Variants in KIF15 observed in about 807,000 individuals in gnomAD.
The protein encoded by KIF15 is kinesin-like protein KIF15.
KIF15 carries 140 observed loss-of-function variants against 190.6 expected under a neutral mutation model. The observed-to-expected ratio is 0.73, with a 90% CI of 0.64 to 0.84. KIF15 has a LOEUF of 0.84. Ranked by LOEUF, KIF15 falls within the 40% of genes least tolerant of loss-of-function variation. The probability of loss-of-function intolerance (pLI) is 0.00; values close to 1 mark genes in which losing one functional copy is unlikely to be tolerated. For missense variants in KIF15, 1,372 were observed against 1,584.4 expected, an observed-to-expected ratio of 0.87 and a Z score of 2.28; for synonymous variants, 528 against 551.3, an observed-to-expected ratio of 0.96 and a Z score of 0.59.
chr3:44,816,786 C>T (rs1376839846), intron 20 of KIF15, among the ~76,000 whole-genome samples: 3 of 152,128 alleles, frequency 2.0e-5, no homozygotes, highest in Non-Finnish European at 2.9e-5. Context: ...AATGGTATTT[C>T]TAGTTCTAGA....
At chr3:44,796,317 C>T (rs1056708103) in intron 8 of KIF15, among the ~76,000 whole-genome samples, 1 of 152,174 alleles carries the variant, frequency 6.6e-6, no homozygotes, top group Non-Finnish European at 1.5e-5. Context: ...TGTGATTGTG[C>T]CACTGTGCTC....
intron 1 of KIF15, among the ~76,000 whole-genome samples, chr3:44,771,344 A>G (rs115169093): frequency 0.011 from 1,637 of 152,316 alleles, 23 homozygotes; most frequent in African/African-American, 0.036. Context: ...TTATGGCCAG[A>G]CACTAGAATT....
rs950132232 is a variant in KIF15, at chr3:44,840,445, G to C, written c.3409G>C (p.Glu1137Gln). The change falls in exon 28 of 35, where the codon GAG becomes CAG. Residue 1137 changes from glutamate to glutamine, a missense_variant. Transcript: ENST00000326047. Reference protein sequence around the residue: ...QLEHVMDSAAEDPQSPKTPPH... With the variant: ...QLEHVMDSAAQDPQSPKTPPH... ...AGAACATGTGATGGATTCTGCTGCT[G>C]AGGATCCCCAGGTACTTTTCAGAAA... 2 of 1,596,824 alleles carry C rather than the reference G, an allele frequency of 1.3e-6. No individual in the cohort carries two copies. Among genetic ancestry groups the C allele is most frequent in the Non-Finnish European group, 1.7e-6 (2 of 1,167,572 alleles).
intron 14 of KIF15, among the ~76,000 whole-genome samples, chr3:44,804,279 C>T (rs1707397537): frequency 6.6e-6 from 1 of 152,164 alleles, no homozygotes; most frequent in Non-Finnish European, 1.5e-5. Context: ...TCATCAGTTT[C>T]TAAACATTGA....
chr3:44,800,271 C>T lies in KIF15; in HGVS notation c.1099-43C>T, dbSNP rs184405882. 3.1e-4 allele frequency: 499 copies of T among 1,592,418 alleles called. 1 individual carries two copies. In the African/African-American group the frequency reaches 6.0e-3, roughly 19 times the overall value. On this transcript the variant is annotated intron_variant, in intron 10 of 34. Transcript: ENST00000326047. ...AATGTAAACACAGGACTATACTACT[C>T]AAAAAGCATTATTTTAATGCTTTTT...
At chr3:44,827,764 C>T (rs754172512) in intron 23 of KIF15, among the ~76,000 whole-genome samples, 1 of 152,056 alleles carries the variant, frequency 6.6e-6, no homozygotes, top group African/African-American at 2.4e-5. Flanking sequence ...CTCACTGTAG[C>T]CTTGACTTCC....
chr3:44,821,328 G>A (rs552515930), intron 20 of KIF15, among the ~76,000 whole-genome samples: 100 of 152,006 alleles, frequency 6.6e-4, no homozygotes, highest in East Asian at 2.2e-3. Flanking sequence ...CTTCCTGGAC[G>A]GGGTGGCTGC....
chr3:44,863,299 C>A (rs1486282445), intron 6 of KIF15: 1 of 65,130 alleles, frequency 1.5e-5, no homozygotes. Context: ...TTAGATTCCG[C>A]ACCCCCCCCC....
chr3:44,868,213 A>C (rs1467476867), intron 6 of KIF15, among the ~76,000 whole-genome samples: 1 of 152,190 alleles, frequency 6.6e-6, no homozygotes, highest in Non-Finnish European at 1.5e-5. Context: ...ATACAACATC[A>C]ATATATGGCC....
chr3:44,868,661 G>A (rs1235503750), intron 6 of KIF15, among the ~76,000 whole-genome samples: 2 of 152,200 alleles, frequency 1.3e-5, no homozygotes, highest in East Asian at 3.8e-4. Context: ...AGAACTGTGA[G>A]AAAATAAATA....
chr3:44,777,996 C>T, intron 3 of KIF15, 119 bp from the exon 4 acceptor site: 2 of 754,910 alleles, frequency 2.6e-6, no homozygotes, highest in Admixed American at 3.9e-5. Flanking sequence ...AGCCTTTTTT[C>T]TGTAGTGGAT....
At chr3:44,827,144 AC>A (rs1437014318) in intron 22 of KIF15, 1 of 421,598 alleles carries the variant, frequency 2.4e-6, no homozygotes, top group East Asian at 6.4e-5. Context: ...GAAACAGTGA[AC>A]AAAACATCCC....
At chr3:44,808,528 G>A (rs1010425978) in intron 16 of KIF15, among the ~76,000 whole-genome samples, 2 of 149,636 alleles carry the variant, frequency 1.3e-5, no homozygotes, top group African/African-American at 2.5e-5. Flanking sequence ...TAGCATTTTT[G>A]TACTGTTAAT....
intron 26 of KIF15, among the ~76,000 whole-genome samples, chr3:44,831,261 A>G (rs184184788): frequency 1.3e-5 from 2 of 152,258 alleles, no homozygotes; most frequent in Admixed American, 1.3e-4. Flanking sequence ...TCACGCTGCC[A>G]AGCTTCCTCC....
At chr3:44,777,986 A>C (rs1705977462) in intron 3 of KIF15, 129 bp from the exon 4 acceptor site, 1 of 718,204 alleles carries the variant, frequency 1.4e-6, no homozygotes. Context: ...TAGATAGTTT[A>C]GCCTTTTTTC....
At chr3:44,817,262 A>AT (rs1478509059) in intron 20 of KIF15, among the ~76,000 whole-genome samples, 9 of 151,824 alleles carry the variant, frequency 5.9e-5, no homozygotes, top group African/African-American at 1.9e-4. Context: ...CCATTTGTCT[A>AT]TTTTGTCTTT....
intron 20 of KIF15, among the ~76,000 whole-genome samples, chr3:44,821,033 AC>A: frequency 1.2e-5 from 1 of 86,630 alleles, no homozygotes; most frequent in Non-Finnish European, 2.3e-5. Context: ...GGGGGGGCTG[AC>A]CCCCCCACCT....
At chr3:44,770,937 G>A (rs1194049635) in intron 1 of KIF15, among the ~76,000 whole-genome samples, 1 of 152,206 alleles carries the variant, frequency 6.6e-6, no homozygotes, top group Non-Finnish European at 1.5e-5. Context: ...TATTCATTAA[G>A]TCCATCCAGT....
chr3:44,821,872 G>A lies in KIF15; in HGVS notation c.2550-4167G>A, dbSNP rs563430943. 1.7e-4 allele frequency among the ~76,000 whole-genome samples: 26 copies of A among 152,346 alleles called. 1 individual carries two copies. The South Asian group carries it at 4.4e-3, about 25-fold the overall frequency. On this transcript the variant is annotated intron_variant, in intron 20 of 34. Transcript: ENST00000326047. ...TGAACCAGACTCCGTCTGCAATCCC[G>A]GCACCTCGGGAGGCCGAGGCTGGCG...
Sources: allele counts gnomAD v4.1 joint callset (sites outside exome capture counted in the v4.1 genomes callset), GRCh38; gene constraint gnomAD v4.1.1; transcripts MANE v1.5; gene names NCBI Gene and HGNC (gene_info 2026-07-23, HGNC 2026-07-21).